The following SH3BP5L variants were observed in gnomAD, a reference collection of about 807,000 sequenced individuals.
The protein encoded by SH3BP5L is SH3 binding domain protein 5 like.
SH3BP5L carries 16 observed loss-of-function variants against 40.9 expected under a neutral mutation model. The observed-to-expected ratio is 0.39, with a 90% CI of 0.27 to 0.59. SH3BP5L has a LOEUF of 0.59. Among genes scored for constraint, SH3BP5L ranks in the 20% least tolerant of loss-of-function variants. The pLI is 0.53. For synonymous variants in SH3BP5L, 229 were observed against 226.7 expected (o/e 1.01, Z -0.09); for missense variants, 471 against 544.6 (o/e 0.86, Z 1.35).
Position 248,821,665 on chromosome 1 carries a change from G to A in SH3BP5L, c.183+3088C>T, listed in dbSNP as rs182170970. On this transcript the variant is annotated intron_variant, in intron 2 of 6. Transcript: ENST00000366472. This position sits in a 1 kb window ranked among gnomAD's most constrained non-coding sequence, Gnocchi z 4.6. ...AGACCCAGGTCCATCCTAGATCCAC[G>A]CTCCTTTCCTCTTCCCTCCACTGGA... 6.6e-6 allele frequency among the ~76,000 whole-genome samples: 1 copy of A among 152,094 alleles called. No individual in the cohort carries two copies. The highest frequency in any genetic ancestry group is 1.9e-4 in the East Asian group (1 of 5,172).
intron 4 of SH3BP5L, among the ~76,000 whole-genome samples, chr1:248,815,419 C>T (rs892972139): frequency 8.6e-5 from 13 of 152,002 alleles, no homozygotes; most frequent in Admixed American, 3.9e-4. Flanking sequence ...TACAAGGACA[C>T]GAAATATGAT....
intron 2 of SH3BP5L, among the ~76,000 whole-genome samples, chr1:248,818,367 A>C (rs1664163656): frequency 6.6e-6 from 1 of 150,906 alleles, no homozygotes; most frequent in Non-Finnish European, 1.5e-5. Context: ...AAACAAACAA[A>C]AAAAAAAAGG....
In SH3BP5L at chr1:248,812,318, G is replaced by C. The variant is rs771658340; in HGVS notation, c.764C>G (p.Thr255Arg). The part of the protein sequence containing the change: ...ELEQQVAQAK[T>R]RYSVALRNLE... ...GTTACGAAGGGCCACGGAGTAGCGC[G>C]TCTTGGCCTGAGCTACCTGCTGCTC... is the stretch of plus-strand genomic sequence containing the variant. Residue 255 changes from threonine (T) to arginine (R), a missense_variant, in exon 7 of 7, where the codon ACG (threonine) becomes AGG (arginine). This residue lies in a region of SH3BP5L where 275 missense variants were observed against 370.1 expected (regional missense o/e 0.74). Transcript: ENST00000366472. The surrounding 1 kb of genome is among the most constrained non-coding windows in gnomAD (Gnocchi z 6.1). 1.9e-6 allele frequency: 3 copies of C among 1,610,052 alleles called. No individual in the cohort carries two copies. The highest frequency in any genetic ancestry group is 2.5e-6 in the Non-Finnish European group (3 of 1,179,976).
Position 248,812,039 on chromosome 1 carries a change from C to T in SH3BP5L, c.1043G>A (p.Cys348Tyr). 6.2e-7 allele frequency: 1 copy of T among 1,612,874 alleles called. No homozygotes were observed. The highest frequency in any genetic ancestry group is 1.1e-5 in the South Asian group (1 of 91,020). ...LRTVASDLQK[C>Y]DSVEHLRGLS... is the part of the protein sequence containing the mutation. Reference sequence around the variant, plus strand: ...GCCTCGCAAGTGCTCCACGGAGTCGCACTTCTGCAGGTCTGAAGCCACCGT... The same window carrying T: ...GCCTCGCAAGTGCTCCACGGAGTCGTACTTCTGCAGGTCTGAAGCCACCGT... The change falls in exon 7 of 7, where the codon TGC becomes TAC. Residue 348 changes from cysteine to tyrosine, a missense_variant. Around this residue, in one of 2 missense-constraint regions of SH3BP5L, gnomAD observed 196 missense variants for 174.6 expected, o/e 1.12. Coordinates refer to ENST00000366472, the MANE Select transcript of SH3BP5L (RefSeq NM_030645.3). The surrounding 1 kb of genome is among the most constrained non-coding windows in gnomAD (Gnocchi z 6.1).
Position 248,816,638 on chromosome 1 carries a change from T to A in SH3BP5L, c.271A>T (p.Ile91Phe). 1 of 1,614,038 alleles carries A rather than the reference T, an allele frequency of 6.2e-7. No homozygotes were observed. Among genetic ancestry groups the A allele is most frequent in the Non-Finnish European group, 8.5e-7 (1 of 1,180,014 alleles). ...AGTTTCCTCGCCGACTCCTGTAGGA[T>A]CCTCCGATAGGTGGTCCTGGCCTCC... is the stretch of plus-strand genomic sequence containing the variant. ...LDEARTTYRR[I>F]LQESARKLNT... The change falls in exon 4 of 7, where the codon ATC becomes TTC. Residue 91 changes from isoleucine to phenylalanine, a missense_variant. Transcript: ENST00000366472.
In SH3BP5L at chr1:248,825,150, C is replaced by A. The variant is rs1035720084; in HGVS notation, c.-215G>T. The A allele has an allele frequency of 2.1e-5, 28 of 1,339,274 alleles. No homozygotes were observed. The highest frequency in any genetic ancestry group is 2.6e-5 in the Non-Finnish European group (27 of 1,048,106). 83.0% of individuals were successfully genotyped at this position (1,339,274 alleles called of 1,614,324 possible). A position where few individuals can be genotyped will look rare whatever the true frequency, so the allele number is the denominator to read the frequency against. On this transcript the variant is annotated 5_prime_UTR_variant, in exon 2 of 7. Transcript: ENST00000366472. ...TCCTAGAGCTGAAGCCTTGTCTGTG[C>A]AAAAGTTCTTCCCTTCCCGCCACAG...
chr1:248,812,403 T>G lies in SH3BP5L; in HGVS notation c.712-33A>C. ...GGGCAGAGCAGAGCAAGGCGACCCA[T>G]GGGGCACGTCTCCACCTTCCTCAGC... is the stretch of plus-strand genomic sequence containing the variant. On this transcript the variant is annotated intron_variant, in intron 6 of 6. Coordinates refer to ENST00000366472, the MANE Select transcript of SH3BP5L (RefSeq NM_030645.3). This position sits in a 1 kb window ranked among gnomAD's most constrained non-coding sequence, Gnocchi z 6.1. 2 of 1,554,880 alleles carry G rather than the reference T, an allele frequency of 1.3e-6. No homozygotes were observed. Among genetic ancestry groups the G allele is most frequent in the Non-Finnish European group, 1.8e-6 (2 of 1,140,744 alleles).
rs142722240 is a variant in SH3BP5L at position 248,813,886 on chromosome 1, G to T, written c.537+563C>A. On this transcript the variant is annotated intron_variant, in intron 5 of 6. Transcript: ENST00000366472. ...TTTGCATGAGCTCTAGAGTAGAAGT[G>T]AGGTGCCTGTTCTGTGTGAGGGGCA... is the stretch of plus-strand genomic sequence containing the variant. 280 of 167,252 alleles carry T rather than the reference G, an allele frequency of 1.7e-3. 2 individuals carry two copies. The highest frequency in any genetic ancestry group is 2.9e-3 in the Non-Finnish European group (225 of 76,660). 10.4% of individuals were successfully genotyped at this position (167,252 alleles called of 1,614,324 possible).
intron 2 of SH3BP5L, chr1:248,820,279 C>T (rs1338454056): frequency 6.6e-6 from 1 of 152,298 alleles, no homozygotes; most frequent in Non-Finnish European, 1.5e-5. Context: ...AGCATCAACA[C>T]TACCAGACAC....
At chr1:248,823,420 C>G (rs572720863) in intron 2 of SH3BP5L, among the ~76,000 whole-genome samples, 2 of 149,618 alleles carry the variant, frequency 1.3e-5, no homozygotes, top group East Asian at 1.9e-4. Flanking sequence ...AAGAAACTTC[C>G]ATAAAAATCA....
rs559878702 is a variant in SH3BP5L at position 248,813,995 on chromosome 1, G to A, written c.537+454C>T. On this transcript the variant is annotated intron_variant, in intron 5 of 6. Coordinates refer to ENST00000366472, the MANE Select transcript of SH3BP5L (RefSeq NM_030645.3). ...GCTGAAGGTGGCAGACAGGGCCAAC[G>A]GCAGAGATCCTTCCGCTCCCCAGTC... 61 of 176,580 alleles carry A rather than the reference G, an allele frequency of 3.5e-4. 2 individuals are homozygous for A. The highest frequency in any genetic ancestry group is 3.4e-3 in the South Asian group (29 of 8,632). 10.9% of individuals were successfully genotyped at this position (176,580 alleles called of 1,614,324 possible). A position where few individuals can be genotyped will look rare whatever the true frequency, so the allele number is the denominator to read the frequency against.
intron 4 of SH3BP5L, 81 bp downstream of exon 4, chr1:248,816,453 C>G (rs1664107161): frequency 4.4e-6 from 7 of 1,579,086 alleles, no homozygotes; most frequent in Non-Finnish European, 6.1e-6. Flanking sequence ...GGTGTTTTGT[C>G]TCTCACTCCA....
At chr1:248,817,669 A>T (rs564234757) in intron 2 of SH3BP5L, among the ~76,000 whole-genome samples, 1 of 152,204 alleles carries the variant, frequency 6.6e-6, no homozygotes, top group Admixed American at 6.5e-5. Flanking sequence ...CCTGGGCAAC[A>T]TGGTGAAACC....
chr1:248,811,750 G>C lies in SH3BP5L; in HGVS notation c.*150C>G. 1.6e-6 allele frequency: 1 copy of C among 627,008 alleles called. No homozygotes were observed. Among genetic ancestry groups the C allele is most frequent in the Non-Finnish European group, 2.7e-6 (1 of 367,968 alleles). 38.8% of individuals were successfully genotyped at this position (627,008 alleles called of 1,614,324 possible). On this transcript the variant is annotated 3_prime_UTR_variant, in exon 7 of 7. Coordinates refer to ENST00000366472, the MANE Select transcript of SH3BP5L (RefSeq NM_030645.3). ...CTGTGAGAACGCCAGGGCAGGCACA[G>C]AGGACTCGAACACAGCTGGCCTCTC...
rs1028888437 is a variant in SH3BP5L at position 248,821,255 on chromosome 1, C to G, written c.183+3498G>C. The G allele has an allele frequency of 6.6e-6, 1 of 152,348 alleles. No individual in the cohort carries two copies. The highest frequency in any genetic ancestry group is 2.4e-5 in the African/African-American group (1 of 41,454). The allele number at this position is 152,348 out of a possible 1,614,324, so 9.4% of individuals were successfully genotyped here. A position where few individuals can be genotyped will look rare whatever the true frequency, so the allele number is the denominator to read the frequency against. On this transcript the variant is annotated intron_variant, in intron 2 of 6. Coordinates refer to ENST00000366472, the MANE Select transcript of SH3BP5L (RefSeq NM_030645.3). This position sits in a 1 kb window ranked among gnomAD's most constrained non-coding sequence, Gnocchi z 4.6. ...GGCCTGCTTCACCAGGGACTCCTGG[C>G]ACTCAGCTGAAACGGAATTTGGGGA...
At chr1:248,817,393 G>A (rs539724278) in intron 2 of SH3BP5L, among the ~76,000 whole-genome samples, 1 of 152,288 alleles carries the variant, frequency 6.6e-6, no homozygotes, top group East Asian at 1.9e-4. Flanking sequence ...AGCCTGTAAG[G>A]AAACCCAGCA....
intron 5 of SH3BP5L, 165 bp from the exon 6 acceptor site, chr1:248,813,327 C>G (rs573807015): frequency 3.3e-6 from 2 of 610,648 alleles, no homozygotes; most frequent in Admixed American, 3.9e-5. Flanking sequence ...AACACGGGGT[C>G]TATGAGCCTC....
intron 5 of SH3BP5L, 72 bp downstream of exon 5, chr1:248,814,377 T>C: frequency 1.3e-6 from 2 of 1,483,556 alleles, no homozygotes; most frequent in South Asian, 2.3e-5. Context: ...AATGAGGAGG[T>C]GAGGTGATAA....
At chr1:248,823,894 C>T (rs1013240598) in intron 2 of SH3BP5L, among the ~76,000 whole-genome samples, 14 of 152,196 alleles carry the variant, frequency 9.2e-5, no homozygotes, top group African/African-American at 3.1e-4. Flanking sequence ...GCATCCTGGT[C>T]GTCACCTGCC....
Sources: allele counts gnomAD v4.1 joint callset (sites outside exome capture counted in the v4.1 genomes callset), GRCh38; gene constraint gnomAD v4.1.1; regional missense constraint gnomAD v4.1.1; non-coding constraint Gnocchi (gnomAD v3.1); transcripts MANE v1.5; gene names NCBI Gene and HGNC (gene_info 2026-07-23, HGNC 2026-07-21).